ZNF827: variants seen among roughly 807,000 people sequenced by gnomAD.
ZNF827 encodes zinc finger protein 827.
A neutral mutation model predicts 102.4 loss-of-function variants in ZNF827; 13 were observed. That is an observed-to-expected ratio of 0.13 (90% CI 0.08 to 0.20). ZNF827 has a LOEUF of 0.20. Ranked by LOEUF, ZNF827 falls within the 10% of genes least tolerant of loss-of-function variation. The pLI, the probability that ZNF827 is intolerant of heterozygous loss-of-function variation, is 1.00. For missense variants in ZNF827, 1,103 were observed against 1,344.4 expected (o/e 0.82, Z 2.81); for synonymous variants, 523 against 536.2 (o/e 0.98, Z 0.34).
intron 7 of ZNF827, among the ~76,000 whole-genome samples, chr4:145,837,489 G>GT (rs1744970524): frequency 1.3e-5 from 2 of 151,638 alleles, no homozygotes; most frequent in South Asian, 4.2e-4. Flanking sequence ...AAAAAAACTT[G>GT]TCATCCCTAC....
Position 145,892,300 on chromosome 4 carries a change from C to T in ZNF827, c.1209G>A (p.Gln403=). The T allele has an allele frequency of 3.7e-6, 6 of 1,614,198 alleles. No individual in the cohort carries two copies. The highest frequency in any genetic ancestry group is 5.1e-6 in the Non-Finnish European group (6 of 1,180,016). The stretch of plus-strand genomic sequence containing the variant: ...CACACCGGAATGGACAGAGCGGACA[C>T]TGATGACTTTTTAAACCTGTGTGAA... ...MVIHTGLKSH[Q]CPLCPFRCAR... is the part of the protein sequence containing the mutation. The change falls in exon 3 of 15, where the codon CAG becomes CAA. Residue 403 remains glutamine (Q), a synonymous_variant. Transcript: ENST00000508784.
intron 11 of ZNF827, among the ~76,000 whole-genome samples, chr4:145,769,870 T>C (rs1317975261): frequency 1.3e-5 from 2 of 152,148 alleles, no homozygotes; most frequent in Non-Finnish European, 2.9e-5. Context: ...AATTAGGAAA[T>C]TGAAACCATA....
intron 5 of ZNF827, among the ~76,000 whole-genome samples, chr4:145,850,610 G>A (rs921535263): frequency 6.6e-6 from 1 of 152,118 alleles, no homozygotes; most frequent in Admixed American, 6.5e-5. Flanking sequence ...TCCATCTATT[G>A]CTTAGAGTTA....
At chr4:145,793,319 A>AATATATATG (rs1560931107) in intron 8 of ZNF827, among the ~76,000 whole-genome samples, 209 of 137,764 alleles carry the variant, frequency 1.5e-3, no homozygotes, top group African/African-American at 5.4e-3. Flanking sequence ...ACTTATATAT[A>AATATATATG]ATATATATCT....
intron 6 of ZNF827, among the ~76,000 whole-genome samples, chr4:145,849,012 A>G (rs951234891): frequency 6.6e-6 from 1 of 152,176 alleles, no homozygotes; most frequent in African/African-American, 2.4e-5. Flanking sequence ...TGTTAATCAG[A>G]TCAACTGCCT....
At chr4:145,808,078 C>T (rs1356010110) in intron 8 of ZNF827, among the ~76,000 whole-genome samples, 8 of 148,816 alleles carry the variant, frequency 5.4e-5, no homozygotes, top group African/African-American at 1.7e-4. Flanking sequence ...CCTGAGTAAA[C>T]TTTCCCCTTG....
intron 10 of ZNF827, 62 bp downstream of exon 10, chr4:145,775,723 CAGGT>C: frequency 1.3e-6 from 2 of 1,585,674 alleles, no homozygotes; most frequent in South Asian, 1.1e-5. Context: ...CCACAGCAGA[CAGGT>C]AGGAAGTGTT....
intron 7 of ZNF827, among the ~76,000 whole-genome samples, chr4:145,826,547 C>T (rs1743697907): frequency 6.6e-6 from 1 of 152,204 alleles, no homozygotes; most frequent in Non-Finnish European, 1.5e-5. Context: ...AGCGAGACCA[C>T]ATTCACATAA....
intron 8 of ZNF827, among the ~76,000 whole-genome samples, chr4:145,803,151 A>G (rs1741080870): frequency 6.6e-6 from 1 of 152,132 alleles, no homozygotes; most frequent in Non-Finnish European, 1.5e-5. Context: ...TATTTAACAC[A>G]CACATATGCA....
At chr4:145,921,329 T>A (rs1275742033) in intron 1 of ZNF827, among the ~76,000 whole-genome samples, 2 of 152,116 alleles carry the variant, frequency 1.3e-5, no homozygotes, top group African/African-American at 4.8e-5. Context: ...AAGTCCAGAC[T>A]TTATCCTTTT....
rs766363590 is a variant in ZNF827, at chr4:145,903,227, TAAG to T, written c.44-15_44-13del. 8 of 1,594,118 alleles carry T rather than the reference TAAG, an allele frequency of 5.0e-6. No individual in the cohort carries two copies. The highest frequency in any genetic ancestry group is 2.7e-5 in the African/African-American group (2 of 74,452). On this transcript the variant is annotated splice_polypyrimidine_tract_variant and intron_variant, in intron 1 of 14. Coordinates refer to ENST00000508784, the MANE Select transcript of ZNF827 (RefSeq NM_001306215.2). ...CTGCCTACTAACATCTGGGGAGAAT[TAAG>T]AAGATCAGGTTTACTCCCAAAGTGA...
At position 145,765,641 on chromosome 4, in the gene ZNF827, G is replaced by A. The variant is rs957970547; in HGVS notation, c.2958C>T (p.Gly986=). The A allele has an allele frequency of 3.1e-6, 5 of 1,614,052 alleles. No homozygotes were observed. The highest frequency in any genetic ancestry group is 4.2e-6 in the Non-Finnish European group (5 of 1,180,042). Residue 986 remains glycine (G), a synonymous_variant, in exon 12 of 15, where the codon GGC becomes GGT. Transcript: ENST00000508784. The surrounding 1 kb of genome is among the most constrained non-coding windows in gnomAD (Gnocchi z 4.7). ...TGTTCCCGCCCTTGTTTTTCTGGGA[G>A]CCATCTGAATCATCTTTGCTGTTGG... The part of the protein sequence containing the change: ...DSANSKDDSD[G]SQKNKGGNNL...
At chr4:145,854,751 T>G (rs905431316) in intron 5 of ZNF827, among the ~76,000 whole-genome samples, 1 of 152,208 alleles carries the variant, frequency 6.6e-6, no homozygotes, top group Non-Finnish European at 1.5e-5. Flanking sequence ...AAAACCCTAT[T>G]CAAACTTCAA....
At chr4:145,785,438 T>C (rs1018822008) in intron 8 of ZNF827, among the ~76,000 whole-genome samples, 4 of 152,166 alleles carry the variant, frequency 2.6e-5, no homozygotes, top group Non-Finnish European at 5.9e-5. Context: ...AATACATTAT[T>C]ATCAAGTAGA....
Position 145,870,383 on chromosome 4 carries a change from A to G in ZNF827, c.1843T>C (p.Tyr615His), listed in dbSNP as rs377673974. ...ACTTCAGATTCCGGGCTGAACACAT[A>G]GCTGGACCGAGGCAAAGTCGTGCTT... ...SLSTTLPRSSYVFSPESEVSA... is the reference protein window; with the variant it reads ...SLSTTLPRSSHVFSPESEVSA... The change falls in exon 5 of 15, where the codon TAT (tyrosine) becomes CAT (histidine). Residue 615 changes from tyrosine (Y) to histidine (H), a missense_variant. By Grantham distance (83) the Tyr-to-His change is moderately conservative. Coordinates refer to ENST00000508784, the MANE Select transcript of ZNF827 (RefSeq NM_001306215.2). The G allele has an allele frequency of 3.1e-6, 5 of 1,613,966 alleles. No individual in the cohort carries two copies. The highest frequency in any genetic ancestry group is 4.2e-6 in the Non-Finnish European group (5 of 1,180,024).
At chr4:145,885,438 A>G (rs1750025444) in intron 4 of ZNF827, among the ~76,000 whole-genome samples, 1 of 152,050 alleles carries the variant, frequency 6.6e-6, no homozygotes, top group African/African-American at 2.4e-5. Context: ...GAAATCAACA[A>G]TCCCTACTGT....
intron 7 of ZNF827, among the ~76,000 whole-genome samples, chr4:145,828,186 C>T (rs1458784567): frequency 6.6e-6 from 1 of 152,166 alleles, no homozygotes; most frequent in Non-Finnish European, 1.5e-5. Flanking sequence ...CAACTGGTTA[C>T]TTCAGCCAGT....
chr4:145,897,743 A>C (rs1751088526), intron 2 of ZNF827, among the ~76,000 whole-genome samples: 2 of 152,234 alleles, frequency 1.3e-5, no homozygotes, highest in South Asian at 4.1e-4. Context: ...AGCCATACTA[A>C]GTTTAAATCA....
chr4:145,798,265 G>A (rs1318677231), intron 8 of ZNF827, among the ~76,000 whole-genome samples: 1 of 152,182 alleles, frequency 6.6e-6, no homozygotes, highest in Non-Finnish European at 1.5e-5. Context: ...ATTTACACTA[G>A]TAAAAAGTAT....
Sources: gnomAD v4.1 joint callset for allele counts (sites outside exome capture counted in the v4.1 genomes callset) on GRCh38, gnomAD v4.1.1 for gene constraint, Gnocchi (gnomAD v3.1) non-coding constraint, MANE v1.5 for transcripts, NCBI Gene and HGNC (gene_info 2026-07-23, HGNC 2026-07-21) for gene names.